Variants in MTHFD1L observed in about 807,000 individuals in gnomAD.
MTHFD1L encodes methylenetetrahydrofolate dehydrogenase (NADP+ dependent) 1 like.
A neutral mutation model predicts 119.5 loss-of-function variants in MTHFD1L; 81 were observed. That is an observed-to-expected ratio of 0.68 (90% confidence interval 0.57 to 0.82). The LOEUF (loss-of-function observed/expected upper bound fraction) is 0.82. Among genes scored for constraint, MTHFD1L ranks in the 40% least tolerant of loss-of-function variants. The pLI is 0.00. For synonymous variants in MTHFD1L, 430 were observed against 475.2 expected, an observed-to-expected ratio of 0.90 and a Z score of 1.24; for missense variants, 1,125 against 1,253.4, an observed-to-expected ratio of 0.90 and a Z score of 1.55.
At chr6:151,078,477 TG>T (rs1180042274) in intron 26 of MTHFD1L, among the ~76,000 whole-genome samples, 1 of 152,198 alleles carries the variant, frequency 6.6e-6, no homozygotes, top group Non-Finnish European at 1.5e-5. Flanking sequence ...TCCATTTCTC[TG>T]GGTCAGCTTA....
chr6:150,974,950 CT>C (rs1776342478), intron 20 of MTHFD1L, among the ~76,000 whole-genome samples: 1 of 152,000 alleles, frequency 6.6e-6, no homozygotes, highest in African/African-American at 2.4e-5. Context: ...GTTGGTCAGT[CT>C]GGTCTCAAAC....
intron 26 of MTHFD1L, among the ~76,000 whole-genome samples, chr6:151,073,703 C>G (rs4869714): frequency 0.28 from 42,637 of 150,342 alleles, 6,217 homozygotes; most frequent in Admixed American, 0.34. Flanking sequence ...AAAAAAAACT[C>G]TTAATTAATA....
intron 26 of MTHFD1L, among the ~76,000 whole-genome samples, chr6:151,084,750 G>A (rs1793566079): frequency 6.6e-6 from 1 of 151,862 alleles, no homozygotes; most frequent in Admixed American, 6.6e-5. Context: ...CAGATCACGA[G>A]GTCAGGAGAT....
intron 5 of MTHFD1L, 141 bp downstream of exon 5, chr6:150,883,027 A>G (rs1374356439): frequency 2.6e-5 from 23 of 896,430 alleles, no homozygotes; most frequent in Non-Finnish European, 3.5e-5. Flanking sequence ...ATATTTCAGG[A>G]GTCTATAGGA....
chr6:150,885,418 GC>G (rs1489648121), intron 5 of MTHFD1L, among the ~76,000 whole-genome samples: 1 of 152,030 alleles, frequency 6.6e-6, no homozygotes, highest in Non-Finnish European at 1.5e-5. Context: ...CTAGTCTCGA[GC>G]TCCTGACCTC....
chr6:150,954,618 G>A (rs1373763934), intron 16 of MTHFD1L, among the ~76,000 whole-genome samples: 1 of 152,036 alleles, frequency 6.6e-6, no homozygotes, highest in Admixed American at 6.5e-5. Context: ...GATCCCAGGA[G>A]GCGAAGGTTG....
intron 9 of MTHFD1L, among the ~76,000 whole-genome samples, chr6:150,919,620 G>A (rs1174493821): frequency 6.6e-6 from 1 of 152,182 alleles, no homozygotes; most frequent in African/African-American, 2.4e-5. Flanking sequence ...GAAAGTGAAG[G>A]GAAAGCAGGC....
chr6:151,089,721 C>G (rs1794205196), intron 26 of MTHFD1L, among the ~76,000 whole-genome samples: 1 of 152,174 alleles, frequency 6.6e-6, no homozygotes, highest in Admixed American at 6.5e-5. Context: ...AAATATGTGT[C>G]CACCAGTTAC....
At chr6:150,985,564 G>A (rs111469901) in intron 20 of MTHFD1L, among the ~76,000 whole-genome samples, 5 of 149,942 alleles carry the variant, frequency 3.3e-5, no homozygotes, top group South Asian at 4.2e-4. Flanking sequence ...GGGGGGCTGA[G>A]GAAAGAGAAT....
At chr6:151,029,781 G>A (rs1368222107) in intron 24 of MTHFD1L, among the ~76,000 whole-genome samples, 2 of 152,224 alleles carry the variant, frequency 1.3e-5, no homozygotes, top group African/African-American at 2.4e-5. Flanking sequence ...GGGTGACAGA[G>A]TGAGTCTCTG....
intron 24 of MTHFD1L, among the ~76,000 whole-genome samples, chr6:151,030,558 C>G (rs1185533534): frequency 6.6e-6 from 1 of 152,240 alleles, no homozygotes; most frequent in Non-Finnish European, 1.5e-5. Flanking sequence ...GCATTAGTTT[C>G]AGTGCAGTGT....
rs1473003210 is a variant in MTHFD1L at position 150,926,748 on chromosome 6, A to G, written c.1256+453A>G. Among the ~76,000 whole-genome samples, 2 of 152,194 alleles carry G rather than the reference A, an allele frequency of 1.3e-5. No individual in the cohort carries two copies. The highest frequency in any genetic ancestry group is 1.9e-4 in the East Asian group (1 of 5,204). Reference sequence around the variant, plus strand: ...GATCTTACCTACATATTCACATTTCAAAAGCTCATTATTTCCCTTTTTCTG... The same window carrying G: ...GATCTTACCTACATATTCACATTTCGAAAGCTCATTATTTCCCTTTTTCTG... On this transcript the variant is annotated intron_variant, in intron 11 of 27. Transcript: ENST00000367321. The surrounding 1 kb of genome is among the most constrained non-coding windows in gnomAD (Gnocchi z 4.3).
chr6:150,888,084 G>A, intron 7 of MTHFD1L, 103 bp downstream of exon 7: 1 of 1,282,106 alleles, frequency 7.8e-7, no homozygotes, highest in South Asian at 1.9e-5. Flanking sequence ...ATTAGAGGAA[G>A]AAAATTGAAT....
At chr6:150,994,899 T>C (rs1298878772) in intron 20 of MTHFD1L, among the ~76,000 whole-genome samples, 1 of 152,228 alleles carries the variant, frequency 6.6e-6, no homozygotes, top group African/African-American at 2.4e-5. Context: ...CAAACTGCTC[T>C]TCAGGAACCT....
chr6:150,997,463 T>C (rs183575448), intron 20 of MTHFD1L, among the ~76,000 whole-genome samples: 1 of 152,320 alleles, frequency 6.6e-6, no homozygotes, highest in East Asian at 1.9e-4. Context: ...TCTTCATCTT[T>C]GGGCTATGAT....
intron 20 of MTHFD1L, among the ~76,000 whole-genome samples, chr6:150,973,102 C>A (rs561882): frequency 0.078 from 11,805 of 152,294 alleles, 631 homozygotes; most frequent in Non-Finnish European, 0.12. Context: ...CAGGTAATTC[C>A]CATTAACCAC....
chr6:150,913,456 C>T (rs1438570023), intron 8 of MTHFD1L, among the ~76,000 whole-genome samples: 1 of 152,060 alleles, frequency 6.6e-6, no homozygotes, highest in Admixed American at 6.6e-5. Context: ...TGAGCCACCG[C>T]GCCCAGTCCC....
chr6:150,936,140 G>A lies in MTHFD1L; in HGVS notation c.1257-664G>A, dbSNP rs1032365196. Among the ~76,000 whole-genome samples, 13 of 152,108 alleles carry A rather than the reference G, an allele frequency of 8.5e-5. 1 individual carries two copies. The highest frequency in any genetic ancestry group is 1.9e-4 in the Non-Finnish European group (13 of 67,964). On this transcript the variant is annotated intron_variant, in intron 11 of 27. Transcript: ENST00000367321. ...TATGGAAAGGGATCAGGCTTAGTGTGTAGGACTCCAAGAGCTAGGACACAA... is the reference window on the plus strand; with the variant it reads ...TATGGAAAGGGATCAGGCTTAGTGTATAGGACTCCAAGAGCTAGGACACAA...
intron 7 of MTHFD1L, among the ~76,000 whole-genome samples, chr6:150,893,045 T>C (rs1258568751): frequency 6.6e-6 from 1 of 151,910 alleles, no homozygotes; most frequent in Non-Finnish European, 1.5e-5. Flanking sequence ...ACACTGGAAG[T>C]AAAAATTTTA....
Sources: gnomAD v4.1 joint callset for allele counts (sites outside exome capture counted in the v4.1 genomes callset) on GRCh38, gnomAD v4.1.1 for gene constraint, Gnocchi (gnomAD v3.1) non-coding constraint, MANE v1.5 for transcripts, NCBI Gene and HGNC (gene_info 2026-07-23, HGNC 2026-07-21) for gene names.